TNRC18: variants seen among roughly 807,000 people sequenced by gnomAD.
The protein encoded by TNRC18 is trinucleotide repeat-containing gene 18 protein.
A neutral mutation model predicts 226.7 loss-of-function variants in TNRC18; 69 were observed. The ratio of observed to expected loss-of-function variants is 0.30; its 90% CI spans 0.25 to 0.37. TNRC18 has a LOEUF of 0.37. Ranked by LOEUF, TNRC18 falls within the 10% of genes least tolerant of loss-of-function variation. TNRC18 has a pLI of 1.00. For synonymous variants in TNRC18, 2,449 were observed against 1,927.6 expected (o/e 1.27, Z -7.09); for missense variants, 4,754 against 4,256.6 (o/e 1.12, Z -3.25).
At chr7:5,380,477 A>G (rs1008275855) in intron 5 of TNRC18, among the ~76,000 whole-genome samples, 5 of 152,168 alleles carry the variant, frequency 3.3e-5, no homozygotes, top group Admixed American at 6.5e-5. Flanking sequence ...CAGTCCCAGA[A>G]GCAGAAGAGA....
At chr7:5,345,517 G>GGGGGGGGGGCCCCACCCCCC in intron 18 of TNRC18, 45 bp downstream of exon 18, 1 of 377,744 alleles carries the variant, frequency 2.6e-6, no homozygotes, top group Non-Finnish European at 4.8e-6. Flanking sequence ...AATGGCGTCC[G>GGGGGGGGGGCCCCACCCCCC]CCCCTCCCAC....
chr7:5,338,345 T>C (rs1790324099), intron 18 of TNRC18, among the ~76,000 whole-genome samples: 2 of 152,072 alleles, frequency 1.3e-5, no homozygotes, highest in Non-Finnish European at 2.9e-5. Context: ...GAAAAAGGTA[T>C]ACCACGCCAA....
Position 5,394,327 on chromosome 7 carries a change from T to C in TNRC18, c.343+113A>G, listed in dbSNP as rs1780506323. On this transcript the variant is annotated intron_variant, in intron 3 of 29. Coordinates refer to ENST00000430969, the MANE Select transcript of TNRC18 (RefSeq NM_001080495.3). This position sits in a 1 kb window ranked among gnomAD's most constrained non-coding sequence, Gnocchi z 4.5. ...GAAACAACAGGGAAGCCAGGTGACC[T>C]GGGACCCACCAGCCCCAGCTCAGCG... is the stretch of plus-strand genomic sequence containing the variant. 5.6e-6 allele frequency: 6 copies of C among 1,071,222 alleles called. No homozygotes were observed. In the South Asian group the frequency reaches 1.1e-4, roughly 20 times the overall value. The allele number at this position is 1,071,222 out of a possible 1,614,324, so 66.4% of individuals were successfully genotyped here.
At chr7:5,361,758 G>T in intron 13 of TNRC18, 36 bp from the exon 14 acceptor site, 1 of 1,550,484 alleles carries the variant, frequency 6.4e-7, no homozygotes, top group Non-Finnish European at 8.7e-7. Context: ...GTGACGCTGG[G>T]GGGCGGGCGG....
At chr7:5,380,038 C>A (rs1277734012) in intron 5 of TNRC18, among the ~76,000 whole-genome samples, 12 of 152,202 alleles carry the variant, frequency 7.9e-5, no homozygotes, top group Non-Finnish European at 2.9e-5. Context: ...GCTGTCCTAA[C>A]TGGGGTCTAC....
In TNRC18 at chr7:5,324,240, C is replaced by G. The variant is rs767063307; in HGVS notation, c.6416G>C (p.Gly2139Ala). 6.2e-6 allele frequency: 10 copies of G among 1,610,448 alleles called. No homozygotes were observed. In the South Asian group the frequency reaches 9.9e-5, roughly 16 times the overall value. The change falls in exon 21 of 30, where the codon GGG becomes GCG. Residue 2139 changes from glycine (G) to alanine (A), a missense_variant. Physicochemically the swap from Gly to Ala is moderately conservative, Grantham distance 60. Coordinates refer to ENST00000430969, the MANE Select transcript of TNRC18 (RefSeq NM_001080495.3). The surrounding 1 kb of genome is among the most constrained non-coding windows in gnomAD (Gnocchi z 4.8). ...FSEDEHLPRG[G>A]AVERPLTPAP... is the part of the protein sequence containing the mutation. ...CGGGGTCAGCGGCCGCTCCACAGCC[C>G]CGCCACGCGGCAGGTGCTCGTCCTC... is the stretch of plus-strand genomic sequence containing the variant.
intron 14 of TNRC18, 64 bp from the exon 15 acceptor site, chr7:5,359,633 C>A (rs1792823971): frequency 6.3e-7 from 1 of 1,594,464 alleles, no homozygotes. Context: ...CTGAGGTCCA[C>A]CCTCATGGCC....
chr7:5,323,241 C>G (rs900260942), intron 21 of TNRC18, among the ~76,000 whole-genome samples: 4 of 152,132 alleles, frequency 2.6e-5, no homozygotes, highest in African/African-American at 9.7e-5. Flanking sequence ...GGGCTACAGA[C>G]CCCTGGGTCC....
At position 5,390,607 on chromosome 7, in the gene TNRC18, C is replaced by A. The variant is rs1328449970; in HGVS notation, c.365G>T (p.Gly122Val). ...AHEGFSHLPSGLYPSYLHLNH... is the reference protein window; with the variant it reads ...AHEGFSHLPSVLYPSYLHLNH... ...CAGGTGGAGGTAGGATGGGTACAGC[C>A]CACTGGGCAGGTGGGAGAAGCCTGT... Residue 122 changes from glycine to valine, a missense_variant, in exon 4 of 30, where the codon GGG becomes GTG. Transcript: ENST00000430969. 6.3e-7 allele frequency: 1 copy of A among 1,595,982 alleles called. No homozygotes were observed. The highest frequency in any genetic ancestry group is 1.1e-5 in the South Asian group (1 of 88,294).
chr7:5,342,360 C>T (rs527691074), intron 18 of TNRC18, among the ~76,000 whole-genome samples: 21 of 150,250 alleles, frequency 1.4e-4, no homozygotes, highest in Admixed American at 3.4e-4. Flanking sequence ...ACTGGGGAGG[C>T]GGAGGTTGCA....
intron 16 of TNRC18, among the ~76,000 whole-genome samples, chr7:5,352,391 G>C (rs368402856): frequency 6.6e-6 from 1 of 152,092 alleles, no homozygotes. Context: ...CAGGCTTTCC[G>C]GGCACCGGAG....
intron 2 of TNRC18, among the ~76,000 whole-genome samples, chr7:5,418,207 G>GT (rs1782310960): frequency 6.6e-6 from 1 of 152,218 alleles, no homozygotes; most frequent in African/African-American, 2.4e-5. Flanking sequence ...AGCCCCAGGT[G>GT]TTTGTCAGTT....
chr7:5,389,619 T>C, intron 4 of TNRC18: 1 of 232,794 alleles, frequency 4.3e-6, no homozygotes, highest in Non-Finnish European at 8.2e-6. Context: ...CACGCACGGC[T>C]AATTATTGTA....
Position 5,374,371 on chromosome 7 carries a change from C to A in TNRC18, c.2913G>T (p.Leu971=). The A allele has an allele frequency of 6.8e-7, 1 of 1,475,034 alleles. No homozygotes were observed. Among genetic ancestry groups the A allele is most frequent in the Non-Finnish European group, 8.9e-7 (1 of 1,118,520 alleles). 91.4% of individuals were successfully genotyped at this position (1,475,034 alleles called of 1,614,324 possible). Residue 971 remains leucine (L), a synonymous_variant, in exon 10 of 30, where the codon CTG becomes CTT. Coordinates refer to ENST00000430969, the MANE Select transcript of TNRC18 (RefSeq NM_001080495.3). ...AGLATAGPGL[L]PRKPPGLAAG... ...CGGCCAGGCCAGGGGGCTTCCGCGG[C>A]AGCAGCCCGGGGCCGGCGGTGGCCA...
chr7:5,357,628 G>T (rs563551465), intron 15 of TNRC18, among the ~76,000 whole-genome samples: 3 of 152,072 alleles, frequency 2.0e-5, no homozygotes, highest in Non-Finnish European at 4.4e-5. Context: ...GAATACAGGC[G>T]TGCGCCACCA....
chr7:5,325,348 C>T, intron 19 of TNRC18, 100 bp from the exon 20 acceptor site: 2 of 1,322,128 alleles, frequency 1.5e-6, no homozygotes, highest in South Asian at 1.4e-5. Flanking sequence ...TCTGTGCCAC[C>T]CCAAGTGCGC....
In TNRC18 at chr7:5,309,882, T is replaced by C. The variant is rs1029162817; in HGVS notation, c.8389-514A>G. 3.9e-5 allele frequency among the ~76,000 whole-genome samples: 6 copies of C among 152,230 alleles called. No homozygotes were observed. Among genetic ancestry groups the C allele is most frequent in the African/African-American group, 1.4e-4 (6 of 41,530 alleles). On this transcript the variant is annotated intron_variant, in intron 27 of 29. Transcript: ENST00000430969. This position sits in a 1 kb window ranked among gnomAD's most constrained non-coding sequence, Gnocchi z 5.7. Reference sequence around the variant, plus strand: ...CTCCCAAAGCACTAGGATCGCAGTGTCAGCCACTGCACCTGGCCTTATTTT... The same window carrying C: ...CTCCCAAAGCACTAGGATCGCAGTGCCAGCCACTGCACCTGGCCTTATTTT...
At chr7:5,372,050 T>C (rs533006866) in intron 10 of TNRC18, among the ~76,000 whole-genome samples, 1 of 149,638 alleles carries the variant, frequency 6.7e-6, no homozygotes, top group South Asian at 2.1e-4. Context: ...AGCATAAGCA[T>C]GACCCACCGC....
At chr7:5,311,381 C>T (rs983794645) in intron 27 of TNRC18, among the ~76,000 whole-genome samples, 1 of 152,250 alleles carries the variant, frequency 6.6e-6, no homozygotes, top group African/African-American at 2.4e-5. Flanking sequence ...TATTGATTCA[C>T]TCAGGGGTGG....
Sources: gnomAD v4.1 joint callset for allele counts (sites outside exome capture counted in the v4.1 genomes callset) on GRCh38, gnomAD v4.1.1 for gene constraint, Gnocchi (gnomAD v3.1) non-coding constraint, MANE v1.5 for transcripts, NCBI Gene and HGNC (gene_info 2026-07-23, HGNC 2026-07-21) for gene names.